RPS6KA4: variants seen among roughly 807,000 people sequenced by gnomAD.
RPS6KA4 encodes ribosomal protein S6 kinase alpha-4.
In RPS6KA4, 38 loss-of-function variants were observed where a neutral mutation model predicts 89.6. The observed-to-expected ratio is 0.42, with a 90% CI of 0.33 to 0.56. The LOEUF is 0.56. Ranked by LOEUF, RPS6KA4 falls within the 20% of genes least tolerant of loss-of-function variation. The pLI is 0.07. For synonymous variants in RPS6KA4, 495 were observed against 492.8 expected, an observed-to-expected ratio of 1.00 and a Z score of -0.06; for missense variants, 873 against 1,098.8, an observed-to-expected ratio of 0.79 and a Z score of 2.90.
At position 64,360,323 on chromosome 11, in the gene RPS6KA4, C is replaced by T; in HGVS notation, c.288C>T (p.Pro96=). ...RSVLELVRQA[P]FLVTLHYAFQ... Reference sequence around the variant, plus strand: ...TGCTGGAGCTGGTGCGCCAGGCGCCCTTCCTGGTCACGCTGCACTACGCTT... The same window carrying T: ...TGCTGGAGCTGGTGCGCCAGGCGCCTTTCCTGGTCACGCTGCACTACGCTT... Residue 96 remains proline, a synonymous_variant, in exon 3 of 17, where the codon CCC becomes CCT. Transcript: ENST00000334205. 6.5e-7 allele frequency: 1 copy of T among 1,549,576 alleles called. No individual in the cohort carries two copies. Among genetic ancestry groups the T allele is most frequent in the East Asian group, 2.4e-5 (1 of 40,938 alleles).
At chr11:64,365,980 G>A (rs919724669) in intron 9 of RPS6KA4, among the ~76,000 whole-genome samples, 9 of 151,966 alleles carry the variant, frequency 5.9e-5, no homozygotes, top group African/African-American at 1.7e-4. Flanking sequence ...CGGAGGTTGC[G>A]GTGAGCAGAG....
In RPS6KA4 at chr11:64,371,725, G is replaced by C; in HGVS notation, c.*245G>C. 1 of 434,276 alleles carries C rather than the reference G, an allele frequency of 2.3e-6. No individual in the cohort carries two copies. The highest frequency in any genetic ancestry group is 4.1e-6 in the Non-Finnish European group (1 of 243,826). The allele number at this position is 434,276 out of a possible 1,614,324, so 26.9% of individuals were successfully genotyped here. A position where few individuals can be genotyped will look rare whatever the true frequency, so the allele number is the denominator to read the frequency against. ...TGGGGTTTGGGGGGCCCTCTCCCAGGACACTGCCTCTTCTGGGCAGAAGGC... is the reference window on the plus strand; with the variant it reads ...TGGGGTTTGGGGGGCCCTCTCCCAGCACACTGCCTCTTCTGGGCAGAAGGC... On this transcript the variant is annotated 3_prime_UTR_variant, in exon 17 of 17. Transcript: ENST00000334205.
intron 8 of RPS6KA4, among the ~76,000 whole-genome samples, chr11:64,362,443 G>T (rs1274541805): frequency 6.6e-6 from 1 of 152,248 alleles, no homozygotes; most frequent in Non-Finnish European, 1.5e-5. Flanking sequence ...TGTACAGTCT[G>T]TGTGCCTGTC....
chr11:64,371,462 C>T lies in RPS6KA4; in HGVS notation c.2301C>T (p.Gly767=), dbSNP rs1035776936. 3.9e-6 allele frequency: 5 copies of T among 1,292,054 alleles called. No individual in the cohort carries two copies. The African/African-American group carries it at 4.3e-5, about 11-fold the overall frequency. The allele number at this position is 1,292,054 out of a possible 1,614,324, so 80.0% of individuals were successfully genotyped here. The part of the protein sequence containing the change: ...ASKGAPRRAN[G]PLPPS ...AAGGGGCCCCCCGCCGAGCCAACGG[C>T]CCCCTGCCCCCCTCCTAATCCCCAC... The change falls in exon 17 of 17, where the codon GGC becomes GGT. Residue 767 remains glycine, a synonymous_variant. Transcript: ENST00000334205.
Position 64,371,423 on chromosome 11 carries a change from CCCCGTCGCCT to C in RPS6KA4, c.2265_2274del (p.Val756LysfsTer25). ...CTGCACCAGCCAACCCGGGCCGAGC[CCCCGTCGCCT>C]CCAAAGGGGCCCCCCGCCGAGCCAA... On this transcript the variant is annotated frameshift_variant, in exon 17 of 17. Coordinates refer to ENST00000334205, the MANE Select transcript of RPS6KA4 (RefSeq NM_003942.3). LOFTEE classifies it high-confidence loss of function. The C allele has an allele frequency of 6.2e-7, 1 of 1,605,108 alleles. No homozygotes were observed. Among genetic ancestry groups the C allele is most frequent in the South Asian group, 1.1e-5 (1 of 90,640 alleles).
At position 64,371,591 on chromosome 11, in the gene RPS6KA4, C is replaced by T. The variant is rs946398943; in HGVS notation, c.*111C>T. ...CTGATCCCCAAGGGACTGTCCTTTC[C>T]TCTCCTACCCCACCCCACTCCCAGA... On this transcript the variant is annotated 3_prime_UTR_variant, in exon 17 of 17. Coordinates refer to ENST00000334205, the MANE Select transcript of RPS6KA4 (RefSeq NM_003942.3). 11 of 585,540 alleles carry T rather than the reference C, an allele frequency of 1.9e-5. No homozygotes were observed. The South Asian group carries it at 2.3e-4, about 12-fold the overall frequency. 36.3% of individuals were successfully genotyped at this position (585,540 alleles called of 1,614,324 possible). A position where few individuals can be genotyped will look rare whatever the true frequency, so the allele number is the denominator to read the frequency against.
chr11:64,368,093 C>G lies in RPS6KA4; in HGVS notation c.1072-39C>G, dbSNP rs759289232. ...AGTCTCCTCACCCGCACCCCCAACC[C>G]CCATGCCCATGCCCATTCCCCGGAC... On this transcript the variant is annotated intron_variant, in intron 9 of 16. Transcript: ENST00000334205. 13 of 1,607,630 alleles carry G rather than the reference C, an allele frequency of 8.1e-6. No homozygotes were observed. The East Asian group carries it at 2.9e-4, about 36-fold the overall frequency.
At chr11:64,364,089 C>T (rs957678462) in intron 8 of RPS6KA4, among the ~76,000 whole-genome samples, 24 of 152,036 alleles carry the variant, frequency 1.6e-4, no homozygotes, top group South Asian at 2.1e-4. Context: ...CCAGGGCTGC[C>T]GCAGTGTCTT....
chr11:64,365,411 G>A lies in RPS6KA4; in HGVS notation c.1017G>A (p.Glu339=). The change falls in exon 9 of 17, where the codon GAG becomes GAA. Residue 339 remains glutamate (E), a synonymous_variant. Transcript: ENST00000334205. The stretch of plus-strand genomic sequence containing the variant: ...TTGCGGAGGAATTCACTCGGCTGGA[G>A]CCTGTCTACTCACCCCCTGGCAGCC... The part of the protein sequence containing the change: ...GNFAEEFTRL[E]PVYSPPGSPP... 1 of 1,614,100 alleles carries A rather than the reference G, an allele frequency of 6.2e-7. No homozygotes were observed. Among genetic ancestry groups the A allele is most frequent in the Non-Finnish European group, 8.5e-7 (1 of 1,180,012 alleles).
At position 64,361,818 on chromosome 11, in the gene RPS6KA4, C is replaced by T; in HGVS notation, c.756-34C>T. 3 of 1,584,588 alleles carry T rather than the reference C, an allele frequency of 1.9e-6. No homozygotes were observed. Among genetic ancestry groups the T allele is most frequent in the Non-Finnish European group, 2.6e-6 (3 of 1,168,712 alleles). The stretch of plus-strand genomic sequence containing the variant: ...CCTGGGCAGGGCTGTGGGTGGGGGG[C>T]TTGCTGCCCCTGACACCCCCCCAAT... On this transcript the variant is annotated intron_variant, in intron 7 of 16. Coordinates refer to ENST00000334205, the MANE Select transcript of RPS6KA4 (RefSeq NM_003942.3). This position sits in a 1 kb window ranked among gnomAD's most constrained non-coding sequence, Gnocchi z 4.7.
chr11:64,370,604 G>A lies in RPS6KA4; in HGVS notation c.1999G>A (p.Gly667Arg), dbSNP rs1422959153. ...VDPAKRLKLE[G>R]LRGSSWLQDG... ...CCCCGCCAAGCGGCTGAAGCTCGAG[G>A]GACTGCGGGGCAGCTCGTGGCTGCA... Residue 667 changes from glycine (G) to arginine (R), a missense_variant, in exon 16 of 17, where the codon GGA becomes AGA. Transcript: ENST00000334205. The surrounding 1 kb of genome is among the most constrained non-coding windows in gnomAD (Gnocchi z 4.1). 3 of 1,587,158 alleles carry A rather than the reference G, an allele frequency of 1.9e-6. No individual in the cohort carries two copies. Among genetic ancestry groups the A allele is most frequent in the Non-Finnish European group, 1.7e-6 (2 of 1,173,672 alleles).
In RPS6KA4 at chr11:64,360,276, C is replaced by T; in HGVS notation, c.241C>T (p.His81Tyr). Reference sequence around the variant, plus strand: ...GGTGCAGCGCGCCAAGACGCAAGAGCACACGCGCACCGAGCGCTCGGTGCT... The same window carrying T: ...GGTGCAGCGCGCCAAGACGCAAGAGTACACGCGCACCGAGCGCTCGGTGCT... ...ALVQRAKTQE[H>Y]TRTERSVLEL... Residue 81 changes from histidine to tyrosine, a missense_variant, in exon 3 of 17, where the codon CAC becomes TAC. Physicochemically the swap from His to Tyr is moderately conservative, Grantham distance 83. Coordinates refer to ENST00000334205, the MANE Select transcript of RPS6KA4 (RefSeq NM_003942.3). 6.5e-7 allele frequency: 1 copy of T among 1,547,338 alleles called. No individual in the cohort carries two copies. The highest frequency in any genetic ancestry group is 8.7e-7 in the Non-Finnish European group (1 of 1,146,064).
Position 64,370,139 on chromosome 11 carries a change from G to A in RPS6KA4, c.1798-86G>A. ...GTGGGTCTCAGGAGTGCCCCTAGTGGGGAGGGTGAGTGGTTCTGTGGGAGC... is the reference window on the plus strand; with the variant it reads ...GTGGGTCTCAGGAGTGCCCCTAGTGAGGAGGGTGAGTGGTTCTGTGGGAGC... On this transcript the variant is annotated intron_variant, in intron 14 of 16. Transcript: ENST00000334205. The surrounding 1 kb of genome is among the most constrained non-coding windows in gnomAD (Gnocchi z 4.1). 1 of 1,442,948 alleles carries A rather than the reference G, an allele frequency of 6.9e-7. No individual in the cohort carries two copies. Among genetic ancestry groups the A allele is most frequent in the Non-Finnish European group, 9.3e-7 (1 of 1,081,078 alleles). The allele number at this position is 1,442,948 out of a possible 1,614,324, so 89.4% of individuals were successfully genotyped here.
Position 64,368,261 on chromosome 11 carries a change from G to GTGGGCTGGGC in RPS6KA4, c.1200+11_1200+20dup, listed in dbSNP as rs752735910. On this transcript the variant is annotated splice_donor_variant, in intron 10 of 16. Coordinates refer to ENST00000334205, the MANE Select transcript of RPS6KA4 (RefSeq NM_003942.3). LOFTEE classifies it high-confidence loss of function. Reference sequence around the variant, plus strand: ...GGTGGCCAGGAGCGCTATGATGCAGGTGGGCTGGGCTGGGCTGGGTTGGGG... The same window carrying GTGGGCTGGGC: ...GGTGGCCAGGAGCGCTATGATGCAGGTGGGCTGGGCTGGGCTGGGCTGGGCTGGGTTGGGG... 1.2e-6 allele frequency: 2 copies of GTGGGCTGGGC among 1,613,190 alleles called. No homozygotes were observed. Among genetic ancestry groups the GTGGGCTGGGC allele is most frequent in the Admixed American group, 1.7e-5 (1 of 60,002 alleles).
In RPS6KA4 at chr11:64,359,405, T is replaced by C. The variant is rs1279322734; in HGVS notation, c.83T>C (p.Val28Ala). 3.1e-6 allele frequency: 5 copies of C among 1,613,336 alleles called. No individual in the cohort carries two copies. The African/African-American group carries it at 6.7e-5, about 22-fold the overall frequency. The change falls in exon 2 of 17, where the codon GTG becomes GCG. Residue 28 changes from valine (V) to alanine (A), a missense_variant. Val to Ala is a moderately conservative substitution (Grantham distance 64, BLOSUM62 0). This residue lies in a region of RPS6KA4 where 49 missense variants were observed against 51.9 expected (regional missense o/e 0.94). Transcript: ENST00000334205. Reference protein sequence around the residue: ...EANLTGHEEKVSVENFELLKV... With the variant: ...EANLTGHEEKASVENFELLKV... ...AACCTGACCGGGCACGAGGAGAAGG[T>C]GAGCGTGGAGAACTTCGAGCTGCTC...
chr11:64,360,909 C>G (rs1195245991), intron 4 of RPS6KA4: 42 of 571,918 alleles, frequency 7.3e-5, no homozygotes, highest in Non-Finnish European at 3.4e-5. Context: ...GCTCTTCACA[C>G]AGACTTTCCT....
rs2036708619 is a variant in RPS6KA4, at chr11:64,360,313, G to A, written c.278G>A (p.Arg93His). The change falls in exon 3 of 17, where the codon CGC (arginine) becomes CAC (histidine). Residue 93 changes from arginine (R) to histidine (H), a missense_variant. This residue lies in a region of RPS6KA4 where 542 missense variants were observed against 736.4 expected (regional missense o/e 0.74). Transcript: ENST00000334205. ...GAGCGCTCGGTGCTGGAGCTGGTGC[G>A]CCAGGCGCCCTTCCTGGTCACGCTG... ...RTERSVLELV[R>H]QAPFLVTLHY... 6.5e-7 allele frequency: 1 copy of A among 1,548,880 alleles called. No homozygotes were observed. Among genetic ancestry groups the A allele is most frequent in the Non-Finnish European group, 8.7e-7 (1 of 1,146,652 alleles).
Position 64,360,366 on chromosome 11 carries a change from C to T in RPS6KA4, c.331C>T (p.Leu111=). ...CTACGCTTTCCAGACGGATGCCAAG[C>T]TGCACCTCATCCTGGGTGAGCGCAC... is the stretch of plus-strand genomic sequence containing the variant. The part of the protein sequence containing the change: ...LHYAFQTDAK[L]HLILDYVSGG... The change falls in exon 3 of 17, where the codon CTG becomes TTG. Residue 111 remains leucine (L), a synonymous_variant. Transcript: ENST00000334205. The T allele has an allele frequency of 6.5e-7, 1 of 1,550,016 alleles. No individual in the cohort carries two copies. The highest frequency in any genetic ancestry group is 8.7e-7 in the Non-Finnish European group (1 of 1,146,418).
At chr11:64,364,026 A>G (rs1322686380) in intron 8 of RPS6KA4, among the ~76,000 whole-genome samples, 1 of 152,206 alleles carries the variant, frequency 6.6e-6, no homozygotes, top group Non-Finnish European at 1.5e-5. Flanking sequence ...TTACTTATAA[A>G]TAAGTGGCTT....
Sources: gnomAD v4.1 joint callset for allele counts (sites outside exome capture counted in the v4.1 genomes callset) on GRCh38, gnomAD v4.1.1 for gene constraint, gnomAD v4.1.1 regional missense constraint, Gnocchi (gnomAD v3.1) non-coding constraint, MANE v1.5 for transcripts, NCBI Gene and HGNC (gene_info 2026-07-23, HGNC 2026-07-21) for gene names.